The following PGAP2 variants were observed in gnomAD, a reference collection of about 807,000 sequenced individuals.
PGAP2 encodes post-GPI attachment to proteins 2.
A neutral mutation model predicts 33.2 loss-of-function variants in PGAP2; 21 were observed. The observed-to-expected ratio is 0.63, with a 90% CI of 0.45 to 0.91. The LOEUF (loss-of-function observed/expected upper bound fraction) is 0.91, where lower values mean the gene tolerates loss of function less well. Ranked by LOEUF, PGAP2 falls within the 40% of genes least tolerant of loss-of-function variation. The pLI is 0.00. For synonymous variants in PGAP2, 161 were observed against 172.9 expected, an observed-to-expected ratio of 0.93 and a Z score of 0.54; for missense variants, 345 against 424.0, an observed-to-expected ratio of 0.81 and a Z score of 1.64.
At chr11:3,802,353 A>G (rs1282816539) in intron 1 of PGAP2, among the ~76,000 whole-genome samples, 1 of 152,158 alleles carries the variant, frequency 6.6e-6, no homozygotes, top group African/African-American at 2.4e-5. Context: ...ATCTTTGTGA[A>G]GCCAGGGGTT....
Position 3,817,843 on chromosome 11 carries a change from A to C in PGAP2, c.348+308A>C, listed in dbSNP as rs866196480. ...CAGTGGATCACTCGAGTTCAGTTCG[A>C]GACCAGCCTGGGCAACATGGTGAAA... On this transcript the variant is annotated intron_variant, in intron 3 of 6. Transcript: ENST00000278243. 6 of 532,278 alleles carry C rather than the reference A, an allele frequency of 1.1e-5. 2 individuals are homozygous for C. In the Middle Eastern group the frequency reaches 2.8e-3, roughly 250 times the overall value. 33.0% of individuals were successfully genotyped at this position (532,278 alleles called of 1,614,324 possible). A position where few individuals can be genotyped will look rare whatever the true frequency, so the allele number is the denominator to read the frequency against.
chr11:3,803,019 A>G (rs1431846912), intron 1 of PGAP2, among the ~76,000 whole-genome samples: 2 of 142,102 alleles, frequency 1.4e-5, no homozygotes, highest in Non-Finnish European at 3.0e-5. Context: ...TTGGAGACAG[A>G]GTCTCACTCT....
At chr11:3,805,540 G>T (rs964714642), upstream of PGAP2, among the ~76,000 whole-genome samples, 1 of 148,490 alleles carries the variant, frequency 6.7e-6, no homozygotes, top group Non-Finnish European at 1.5e-5. Flanking sequence ...GGGATTACAG[G>T]TGTAAGCCAC....
chr11:3,807,308 G>GT (rs2084566223), upstream of PGAP2, among the ~76,000 whole-genome samples: 2 of 74,572 alleles, frequency 2.7e-5, no homozygotes, highest in South Asian at 1.4e-3. Flanking sequence ...TATTTTCACA[G>GT]GTTTTTTTTT....
At chr11:3,815,379 G>C (rs2086775238) in intron 2 of PGAP2, among the ~76,000 whole-genome samples, 1 of 151,672 alleles carries the variant, frequency 6.6e-6, no homozygotes, top group South Asian at 2.1e-4. Context: ...CACGATCTCG[G>C]CTTACTGCAA....
At chr11:3,808,436 A>G, upstream of PGAP2, 2 of 1,531,036 alleles carry the variant, frequency 1.3e-6, no homozygotes, top group Non-Finnish European at 1.8e-6. Flanking sequence ...TGGTTTGAGG[A>G]CACGCCAGAT....
At chr11:3,805,141 G>A (rs374578209), upstream of PGAP2, among the ~76,000 whole-genome samples, 2 of 152,102 alleles carry the variant, frequency 1.3e-5, no homozygotes, top group Non-Finnish European at 2.9e-5. Flanking sequence ...AGTTCAGGAC[G>A]AGTTCACACT....
In PGAP2 at chr11:3,817,394, G is replaced by C; in HGVS notation, c.207G>C (p.Leu69Phe). Residue 69 changes from leucine (L) to phenylalanine (F), a missense_variant, in exon 3 of 7, where the codon TTG becomes TTC. Leu to Phe is a conservative substitution (Grantham distance 22). Coordinates refer to ENST00000278243, the MANE Select transcript of PGAP2 (RefSeq NM_014489.4). ...CRMFSAASQPLDPDGTLFRLR... is the reference protein window; with the variant it reads ...CRMFSAASQPFDPDGTLFRLR... ...TGTTCTCTGCGGCCTCCCAGCCTTT[G>C]GACCCCGATGGGACCTTGTTCCGGC... 1 of 1,613,192 alleles carries C rather than the reference G, an allele frequency of 6.2e-7. No homozygotes were observed. Among genetic ancestry groups the C allele is most frequent in the Non-Finnish European group, 8.5e-7 (1 of 1,179,154 alleles).
upstream of PGAP2, among the ~76,000 whole-genome samples, chr11:3,804,719 T>A (rs2134190498): frequency 6.6e-6 from 1 of 152,316 alleles, no homozygotes; most frequent in Admixed American, 6.5e-5. Flanking sequence ...TTTATTTTTT[T>A]GAGGTGGAGT....
At chr11:3,820,120 G>C (rs1014926377) in intron 3 of PGAP2, among the ~76,000 whole-genome samples, 19 of 152,130 alleles carry the variant, frequency 1.2e-4, no homozygotes, top group African/African-American at 4.3e-4. Context: ...GCTGAGACTG[G>C]GGAGTAGTTT....
chr11:3,819,522 A>G (rs1011597926), intron 3 of PGAP2, among the ~76,000 whole-genome samples: 18 of 152,088 alleles, frequency 1.2e-4, no homozygotes, highest in Admixed American at 6.5e-4. Flanking sequence ...GAAGGCATCT[A>G]TAATGTGGGG....
intron 3 of PGAP2, among the ~76,000 whole-genome samples, chr11:3,820,406 T>C (rs958656551): frequency 6.6e-5 from 10 of 152,334 alleles, no homozygotes; most frequent in Admixed American, 5.2e-4. Flanking sequence ...TGGCTTGGCA[T>C]GTTGGCTCAC....
chr11:3,808,288 C>G (rs2084810159), upstream of PGAP2: 6 of 1,551,474 alleles, frequency 3.9e-6, no homozygotes, highest in Non-Finnish European at 5.2e-6. Flanking sequence ...TGTGTTCTTT[C>G]AACAGGTAGA....
upstream of PGAP2, among the ~76,000 whole-genome samples, chr11:3,805,082 G>A (rs1164909707): frequency 6.6e-6 from 1 of 151,306 alleles, no homozygotes; most frequent in Non-Finnish European, 1.5e-5. Flanking sequence ...GTGAAATAAA[G>A]AGATTTCAGA....
intron 1 of PGAP2, among the ~76,000 whole-genome samples, chr11:3,798,335 T>C (rs2082875709): frequency 6.6e-6 from 1 of 152,220 alleles, no homozygotes; most frequent in Non-Finnish European, 1.5e-5. Flanking sequence ...TTCTTTTTTT[T>C]TCTTTTTCTT....
upstream of PGAP2, among the ~76,000 whole-genome samples, chr11:3,803,639 G>T (rs1199940405): frequency 6.6e-6 from 1 of 151,714 alleles, no homozygotes; most frequent in Non-Finnish European, 1.5e-5. Flanking sequence ...TGTGGGCCAG[G>T]CTGGTCTCAA....
chr11:3,798,634 A>ACT (rs1172054010), intron 1 of PGAP2, among the ~76,000 whole-genome samples: 34 of 75,814 alleles, frequency 4.5e-4, no homozygotes, highest in African/African-American at 2.1e-3. Context: ...CCCATGAACT[A>ACT]ATTTTTTTTT....
At chr11:3,817,833 G>A (rs1226677598) in intron 3 of PGAP2, 5 of 545,028 alleles carry the variant, frequency 9.2e-6, no homozygotes, top group African/African-American at 1.9e-5. Flanking sequence ...GATCACTCGA[G>A]TTCAGTTCGA....
At chr11:3,809,446 T>C (rs199664072) in intron 1 of PGAP2, among the ~76,000 whole-genome samples, 3 of 152,346 alleles carry the variant, frequency 2.0e-5, no homozygotes. Flanking sequence ...AGGCCAGGCA[T>C]ACCTCCAAGA....
Sources: allele counts gnomAD v4.1 joint callset (sites outside exome capture counted in the v4.1 genomes callset), GRCh38; gene constraint gnomAD v4.1.1; transcripts MANE v1.5; gene names NCBI Gene and HGNC (gene_info 2026-07-23, HGNC 2026-07-21).